The following NPAS3 variants were observed in gnomAD, a reference collection of about 807,000 sequenced individuals.
NPAS3 encodes neuronal PAS domain protein 3, also known as neuronal PAS domain-containing protein 3.
In NPAS3, 14 loss-of-function variants were observed where a neutral mutation model predicts 73.1. That is an observed-to-expected ratio of 0.19 (90% confidence interval 0.13 to 0.30). The LOEUF is 0.30. Among genes scored for constraint, NPAS3 ranks in the 10% least tolerant of loss-of-function variants. The pLI, the probability that NPAS3 is intolerant of heterozygous loss-of-function variation, is 1.00. For missense variants in NPAS3, 1,096 were observed against 1,250.0 expected (o/e 0.88, Z 1.86); for synonymous variants, 620 against 541.5 (o/e 1.14, Z -2.01).
intron 6 of NPAS3, among the ~76,000 whole-genome samples, chr14:33,721,291 G>A (rs747253170): frequency 1.3e-5 from 2 of 152,120 alleles, no homozygotes; most frequent in African/African-American, 4.8e-5. Flanking sequence ...AGAAAAGGTT[G>A]TAGATATTGG....
At chr14:33,412,160 C>T (rs2047956350) in intron 4 of NPAS3, among the ~76,000 whole-genome samples, 1 of 152,166 alleles carries the variant, frequency 6.6e-6, no homozygotes, top group South Asian at 2.1e-4. Flanking sequence ...ACTCTGTCCC[C>T]CAGGCTGGAA....
At chr14:32,999,950 A>G (rs1365988157) in intron 1 of NPAS3, among the ~76,000 whole-genome samples, 1 of 152,228 alleles carries the variant, frequency 6.6e-6, no homozygotes, top group Non-Finnish European at 1.5e-5. Context: ...GATGAAGTGG[A>G]CAGAAAGGCT....
chr14:33,335,624 A>G (rs924486868), intron 3 of NPAS3, among the ~76,000 whole-genome samples: 1 of 152,262 alleles, frequency 6.6e-6, no homozygotes, highest in East Asian at 1.9e-4. Context: ...GCCAGTTTGC[A>G]TCATACTGCT....
intron 5 of NPAS3, chr14:33,612,523 T>A (rs1316457852): frequency 8.8e-6 from 4 of 455,856 alleles, no homozygotes; most frequent in South Asian, 6.2e-5. Context: ...TTGGAAGGAG[T>A]TTAGTTCCTC....
At chr14:33,174,774 G>A (rs1223061969) in intron 2 of NPAS3, among the ~76,000 whole-genome samples, 1 of 152,184 alleles carries the variant, frequency 6.6e-6, no homozygotes, top group Admixed American at 6.5e-5. Context: ...GAAATTTTAG[G>A]ATGGAGTGGA....
intron 5 of NPAS3, among the ~76,000 whole-genome samples, chr14:33,562,188 A>G (rs1467147319): frequency 6.6e-6 from 1 of 152,226 alleles, no homozygotes; most frequent in African/African-American, 2.4e-5. Flanking sequence ...TCTCCTTAAA[A>G]GTATTTTATT....
At chr14:33,753,173 G>T (rs2062014547) in intron 7 of NPAS3, among the ~76,000 whole-genome samples, 1 of 151,876 alleles carries the variant, frequency 6.6e-6, no homozygotes, top group Non-Finnish European at 1.5e-5. Context: ...GGAAAATGGA[G>T]CTCTAAAGGA....
At chr14:33,213,774 A>G (rs1333862456) in intron 2 of NPAS3, 1 of 152,222 alleles carries the variant, frequency 6.6e-6, no homozygotes, top group Non-Finnish European at 1.5e-5. Context: ...GACTATTAAT[A>G]GAGCAAACAT....
intron 5 of NPAS3, among the ~76,000 whole-genome samples, chr14:33,652,837 A>C: frequency 6.6e-6 from 1 of 152,190 alleles, no homozygotes; most frequent in East Asian, 1.9e-4. Context: ...TTTAGATGCA[A>C]TAAGCTGTCC....
intron 5 of NPAS3, among the ~76,000 whole-genome samples, chr14:33,657,789 TA>T (rs34461549): frequency 0.11 from 16,022 of 149,492 alleles, 967 homozygotes; most frequent in Non-Finnish European, 0.15. Flanking sequence ...GCAGATTATG[TA>T]AAAAAAAAAA....
intron 3 of NPAS3, among the ~76,000 whole-genome samples, chr14:33,329,218 C>A (rs1281302848): frequency 6.6e-6 from 1 of 152,118 alleles, no homozygotes; most frequent in East Asian, 1.9e-4. Context: ...GACCACCCTG[C>A]CCCCAGCCCC....
At chr14:33,074,739 A>G (rs935989707) in intron 2 of NPAS3, among the ~76,000 whole-genome samples, 1 of 152,192 alleles carries the variant, frequency 6.6e-6, no homozygotes, top group African/African-American at 2.4e-5. Context: ...TTAAAGGCAG[A>G]TCCCATCGCT....
At chr14:33,419,138 A>T (rs925054318) in intron 4 of NPAS3, among the ~76,000 whole-genome samples, 16 of 151,884 alleles carry the variant, frequency 1.1e-4, no homozygotes, top group East Asian at 7.7e-4. Flanking sequence ...TAGTTTTTTT[A>T]AAAAAGGCTT....
At chr14:33,260,976 G>A (rs1344998037) in intron 3 of NPAS3, among the ~76,000 whole-genome samples, 1 of 152,128 alleles carries the variant, frequency 6.6e-6, no homozygotes, top group Non-Finnish European at 1.5e-5. Flanking sequence ...TCTTCACAGA[G>A]TAGAAAGTAC....
At chr14:33,163,771 G>A (rs1288237327) in intron 2 of NPAS3, among the ~76,000 whole-genome samples, 2 of 151,950 alleles carry the variant, frequency 1.3e-5, no homozygotes, top group Admixed American at 6.6e-5. Context: ...TCTGCTGATG[G>A]GCTTACACGC....
intron 5 of NPAS3, among the ~76,000 whole-genome samples, chr14:33,620,286 A>G (rs1485120490): frequency 1.3e-5 from 2 of 152,206 alleles, no homozygotes; most frequent in Non-Finnish European, 2.9e-5. Context: ...ACAACCTTTG[A>G]TGAGAAGGTA....
chr14:33,356,942 A>G (rs564107841), intron 3 of NPAS3, among the ~76,000 whole-genome samples: 18 of 152,272 alleles, frequency 1.2e-4, no homozygotes, highest in Admixed American at 5.2e-4. Context: ...TTGCTTACAT[A>G]TGTTCTCGAT....
At chr14:33,442,429 T>C (rs1408436276) in intron 4 of NPAS3, among the ~76,000 whole-genome samples, 3 of 149,058 alleles carry the variant, frequency 2.0e-5, no homozygotes, top group Admixed American at 2.0e-4. Flanking sequence ...AAAAAAAAAT[T>C]AAAAAACTAC....
chr14:33,030,251 A>G (rs762430847), intron 1 of NPAS3, among the ~76,000 whole-genome samples: 1 of 152,154 alleles, frequency 6.6e-6, no homozygotes, highest in Non-Finnish European at 1.5e-5. Context: ...TTATTAAGTT[A>G]TGTAATGGCA....
Sources: gnomAD v4.1 joint callset for allele counts (sites outside exome capture counted in the v4.1 genomes callset) on GRCh38, gnomAD v4.1.1 for gene constraint, MANE v1.5 for transcripts, NCBI Gene and HGNC (gene_info 2026-07-23, HGNC 2026-07-21) for gene names.